Variants in TCF4 observed in about 807,000 individuals in gnomAD.
TCF4 encodes SL3-3 enhancer factor 2.
Under a neutral mutation model 82.1 loss-of-function variants are expected in TCF4, and 3 were observed. The observed-to-expected ratio is 0.04, with a 90% CI of 0.02 to 0.09. The LOEUF is 0.09. TCF4 is among the 10% of genes least tolerant of loss of function. The probability of loss-of-function intolerance (pLI) is 1.00; values close to 1 mark genes in which losing one functional copy is unlikely to be tolerated. For synonymous variants in TCF4, 276 were observed against 309.6 expected, an observed-to-expected ratio of 0.89 and a Z score of 1.14; for missense variants, 518 against 852.7, an observed-to-expected ratio of 0.61 and a Z score of 4.89.
chr18:55,364,641 A>C lies in TCF4; in HGVS notation c.370-13638T>G, dbSNP rs931458445. 6.8e-4 allele frequency among the ~76,000 whole-genome samples: 103 copies of C among 152,340 alleles called. 1 individual carries two copies. The highest frequency in any genetic ancestry group is 2.5e-3 in the African/African-American group (102 of 41,580). ...CTTGAACTTTGTTTACTGCAGGATA[A>C]AGACTAAGGTGATTATATCTGTGCA... On this transcript the variant is annotated intron_variant, in intron 6 of 19. Transcript: ENST00000354452.
chr18:55,422,536 CATG>C (rs1338256316), intron 5 of TCF4: 3 of 875,052 alleles, frequency 3.4e-6, no homozygotes, highest in East Asian at 2.4e-4. Context: ...ACACTCATCA[CATG>C]TTTCCTATGA....
intron 3 of TCF4, among the ~76,000 whole-genome samples, chr18:55,492,467 G>A (rs992660992): frequency 6.6e-6 from 1 of 152,108 alleles, no homozygotes; most frequent in African/African-American, 2.4e-5. Flanking sequence ...AGAAAAGTTG[G>A]GGGGTCAAAC....
chr18:55,621,635 AT>A (rs2097719626), intron 2 of TCF4, among the ~76,000 whole-genome samples: 1 of 23,410 alleles, frequency 4.3e-5, no homozygotes, highest in African/African-American at 4.3e-4. Flanking sequence ...TAATATATAT[AT>A]TATATAATAT....
chr18:55,448,273 A>G (rs1268305354), intron 5 of TCF4, among the ~76,000 whole-genome samples: 1 of 152,204 alleles, frequency 6.6e-6, no homozygotes. Flanking sequence ...AGGCGGGAAT[A>G]TTCCCTCACA....
chr18:55,469,116 A>T (rs1403737458), intron 3 of TCF4, among the ~76,000 whole-genome samples: 2 of 152,176 alleles, frequency 1.3e-5, no homozygotes, highest in African/African-American at 4.8e-5. Context: ...GCAATCTGAA[A>T]ATCCACAAAT....
intron 8 of TCF4, among the ~76,000 whole-genome samples, chr18:55,302,247 G>C (rs988178323): frequency 2.6e-5 from 4 of 152,238 alleles, no homozygotes; most frequent in Admixed American, 1.3e-4. Context: ...AGGTGGTAAA[G>C]TAACCCGGGC....
intron 15 of TCF4, among the ~76,000 whole-genome samples, chr18:55,254,098 T>A (rs2056091079): frequency 6.6e-6 from 1 of 152,182 alleles, no homozygotes; most frequent in Non-Finnish European, 1.5e-5. Context: ...GCAACAGTCA[T>A]GCTAAGTAAA....
At chr18:55,527,730 T>C (rs17512836) in intron 3 of TCF4, among the ~76,000 whole-genome samples, 3,250 of 152,300 alleles carry the variant, frequency 0.021, 67 homozygotes, top group Non-Finnish European at 0.026. Flanking sequence ...AACCGATGTA[T>C]ATCCAACTTG....
intron 5 of TCF4, among the ~76,000 whole-genome samples, chr18:55,446,543 G>A (rs1388552580): frequency 3.3e-5 from 5 of 152,108 alleles, no homozygotes; most frequent in Non-Finnish European, 5.9e-5. Context: ...ACACAACACT[G>A]GGCAAATAAC....
chr18:55,412,547 T>C (rs2094391268), intron 5 of TCF4, among the ~76,000 whole-genome samples: 1 of 152,148 alleles, frequency 6.6e-6, no homozygotes, highest in Non-Finnish European at 1.5e-5. Flanking sequence ...GATCCAACTC[T>C]AGTGAACCTG....
At chr18:55,635,219 G>A (rs544213919) in intron 1 of TCF4, among the ~76,000 whole-genome samples, 2 of 152,270 alleles carry the variant, frequency 1.3e-5, no homozygotes, top group African/African-American at 2.4e-5. Context: ...AGAATCTCAA[G>A]AAGGCAGGGC....
chr18:55,321,133 C>T (rs2075387780), intron 8 of TCF4: 1 of 156,010 alleles, frequency 6.4e-6, no homozygotes, highest in Non-Finnish European at 1.4e-5. Flanking sequence ...TTTGATCTCT[C>T]AGTTTTATGT....
At chr18:55,566,209 C>T (rs2097405198) in intron 3 of TCF4, among the ~76,000 whole-genome samples, 1 of 151,362 alleles carries the variant, frequency 6.6e-6, no homozygotes, top group Non-Finnish European at 1.5e-5. Flanking sequence ...CGAGATTCTG[C>T]CTCAAAAACT....
In TCF4 at chr18:55,425,521, A is replaced by AC. The variant is rs386387766; in HGVS notation, c.305-22004_305-22003insG. 2.0e-3 allele frequency among the ~76,000 whole-genome samples: 297 copies of AC among 151,436 alleles called. 2 individuals are homozygous for AC. Among genetic ancestry groups the AC allele is most frequent in the Admixed American group, 4.0e-3 (61 of 15,208 alleles). ...ACCTCATATCTGAAGTCAAGGAAAA[A>AC]AAAAAACAGAAAACATATTAACATC... On this transcript the variant is annotated intron_variant, in intron 5 of 19. Transcript: ENST00000354452.
chr18:55,245,241 T>A (rs924471300), intron 15 of TCF4, among the ~76,000 whole-genome samples: 6 of 152,222 alleles, frequency 3.9e-5, no homozygotes, highest in African/African-American at 1.4e-4. Flanking sequence ...TAAGATACTT[T>A]TGATTTGAAA....
At chr18:55,394,347 G>A (rs934538975) in intron 6 of TCF4, among the ~76,000 whole-genome samples, 2 of 152,090 alleles carry the variant, frequency 1.3e-5, no homozygotes, top group Non-Finnish European at 2.9e-5. Flanking sequence ...TTATTCCGAA[G>A]CACGGAATTG....
intron 3 of TCF4, among the ~76,000 whole-genome samples, chr18:55,542,106 T>C (rs1455342111): frequency 2.0e-5 from 3 of 151,972 alleles, no homozygotes; most frequent in African/African-American, 7.2e-5. Flanking sequence ...TAAAATTAGG[T>C]GTAAAACTGT....
At chr18:55,557,191 C>A (rs2097311973) in intron 3 of TCF4, among the ~76,000 whole-genome samples, 1 of 152,108 alleles carries the variant, frequency 6.6e-6, no homozygotes, top group South Asian at 2.1e-4. Flanking sequence ...TTATCCAAAT[C>A]GATGCTTAAA....
In TCF4 at chr18:55,344,151, C is replaced by T. The variant is rs142208945; in HGVS notation, c.549+6208G>A. 3.9e-5 allele frequency among the ~76,000 whole-genome samples: 6 copies of T among 152,236 alleles called. No individual in the cohort carries two copies. The East Asian group carries it at 9.6e-4, about 24-fold the overall frequency. On this transcript the variant is annotated intron_variant, in intron 8 of 19. Transcript: ENST00000354452. ...TAGCCCTCCAATTCCTGATTCATTA[C>T]TTTCAATGAAAACCTTTAGAATTAT...
Sources: allele counts gnomAD v4.1 joint callset (sites outside exome capture counted in the v4.1 genomes callset), GRCh38; gene constraint gnomAD v4.1.1; transcripts MANE v1.5; gene names NCBI Gene and HGNC (gene_info 2026-07-23, HGNC 2026-07-21).